Variants in PMPCB observed in about 807,000 individuals in gnomAD.
PMPCB encodes mitochondrial-processing peptidase subunit beta.
A neutral mutation model predicts 61.5 loss-of-function variants in PMPCB; 46 were observed. That is an observed-to-expected ratio of 0.75 (90% CI 0.59 to 0.96). The LOEUF (loss-of-function observed/expected upper bound fraction) is 0.96, where lower values mean the gene tolerates loss of function less well. PMPCB is among the 40% of genes least tolerant of loss of function. PMPCB has a pLI of 0.00. For missense variants in PMPCB, 590 were observed against 602.4 expected (o/e 0.98, Z 0.22); for synonymous variants, 191 against 201.6 (o/e 0.95, Z 0.44).
downstream of PMPCB, among the ~76,000 whole-genome samples, chr7:103,334,328 G>A (rs972154718): frequency 6.6e-6 from 1 of 151,698 alleles, no homozygotes; most frequent in African/African-American, 2.4e-5. Flanking sequence ...TTGGGAGACT[G>A]AGGCAGGTGG....
the PMPCB span, among the ~76,000 whole-genome samples, chr7:103,334,861 T>C: frequency 6.6e-6 from 1 of 152,278 alleles, no homozygotes; most frequent in Non-Finnish European, 1.5e-5. Flanking sequence ...TTTGAGGCAG[T>C]TTCCCTCTGT....
intron 12 of PMPCB, chr7:103,327,779 A>G: frequency 1.3e-6 from 2 of 1,530,564 alleles, no homozygotes; most frequent in African/African-American, 1.4e-5. Context: ...AGATTGAGAT[A>G]ATTTGTCACT....
At chr7:103,304,131 G>A in intron 5 of PMPCB, 91 bp downstream of exon 5, 1 of 1,047,110 alleles carries the variant, frequency 9.6e-7, no homozygotes, top group Non-Finnish European at 1.4e-6. Context: ...GTTTCAGAAA[G>A]TAATTTTCCC....
downstream of PMPCB, among the ~76,000 whole-genome samples, chr7:103,334,462 CTGAGGCAGAAGAA>C (rs1301845476): frequency 6.6e-6 from 1 of 151,688 alleles, no homozygotes. Flanking sequence ...ACTTAGGAGG[CTGAGGCAGAAGAA>C]TGAGGCAGGA....
chr7:103,333,791 C>T (rs923123658), downstream of PMPCB, among the ~76,000 whole-genome samples: 1 of 152,138 alleles, frequency 6.6e-6, no homozygotes, highest in Non-Finnish European at 1.5e-5. Context: ...GTTTGAGATT[C>T]ATCCATGTTT....
At chr7:103,299,650 A>G in intron 3 of PMPCB, 121 bp downstream of exon 3, 2 of 574,810 alleles carry the variant, frequency 3.5e-6, no homozygotes, top group Non-Finnish European at 6.1e-6. Flanking sequence ...TTATTTTTCC[A>G]GGACAGTATC....
At chr7:103,299,734 C>T (rs930412703) in intron 3 of PMPCB, among the ~76,000 whole-genome samples, 9 of 152,200 alleles carry the variant, frequency 5.9e-5, no homozygotes, top group East Asian at 3.9e-4. Flanking sequence ...GTTATCTGAA[C>T]GTATACCATT....
intron 3 of PMPCB, 71 bp downstream of exon 3, chr7:103,299,600 G>A: frequency 2.4e-6 from 2 of 835,088 alleles, no homozygotes. Flanking sequence ...ATTCTTTAGA[G>A]GCAGGGAGAG....
At chr7:103,327,020 T>A (rs1029058532) in intron 12 of PMPCB, among the ~76,000 whole-genome samples, 1 of 152,214 alleles carries the variant, frequency 6.6e-6, no homozygotes, top group African/African-American at 2.4e-5. Flanking sequence ...ATCTTAGGCT[T>A]CTGGAGCACT....
At chr7:103,335,668 C>T in the PMPCB span, 1 of 152,306 alleles carries the variant, frequency 6.6e-6, no homozygotes, top group Non-Finnish European at 1.5e-5. Flanking sequence ...GCCTCAGCCT[C>T]CCAAGTAGTT....
Position 103,312,983 on chromosome 7 carries a change from A to G in PMPCB, c.*712A>G. On this transcript the variant is annotated 3_prime_UTR_variant, in exon 13 of 13. Transcript: ENST00000249269. Reference sequence around the variant, plus strand: ...TCATGCAGTCCTTCTTTGTCCTGCCAGGCACCGCTTCTGCTATTTTTTCCC... The same window carrying G: ...TCATGCAGTCCTTCTTTGTCCTGCCGGGCACCGCTTCTGCTATTTTTTCCC... 6.2e-7 allele frequency: 1 copy of G among 1,614,044 alleles called. No individual in the cohort carries two copies.
downstream of PMPCB, among the ~76,000 whole-genome samples, chr7:103,318,516 C>CT (rs1248423488): frequency 1.3e-5 from 2 of 152,162 alleles, no homozygotes; most frequent in Non-Finnish European, 2.9e-5. Context: ...CCTTCCTATC[C>CT]TACACCTCAT....
At chr7:103,316,809 A>C (rs1818085686), downstream of PMPCB, 1 of 1,604,236 alleles carries the variant, frequency 6.2e-7, no homozygotes. Flanking sequence ...AGTTGAAGAA[A>C]AGTTTCATTA....
intron 6 of PMPCB, among the ~76,000 whole-genome samples, chr7:103,305,284 A>C (rs916742682): frequency 3.9e-5 from 6 of 152,208 alleles, no homozygotes; most frequent in South Asian, 2.1e-4. Flanking sequence ...GTGACTTCAG[A>C]AGGTTTCCTT....
chr7:103,304,516 T>C (rs758763602), intron 6 of PMPCB, 26 bp downstream of exon 6: 43 of 1,457,768 alleles, frequency 2.9e-5, no homozygotes, highest in Non-Finnish European at 4.1e-5. Context: ...TTTCTACAAA[T>C]GTTTTAAACA....
At chr7:103,334,327 T>C (rs191972640), downstream of PMPCB, among the ~76,000 whole-genome samples, 404 of 151,738 alleles carry the variant, frequency 2.7e-3, 6 homozygotes, top group Admixed American at 0.018. Context: ...TTTGGGAGAC[T>C]GAGGCAGGTG....
Position 103,312,688 on chromosome 7 carries a change from A to G in PMPCB, c.*417A>G, listed in dbSNP as rs376428947. On this transcript the variant is annotated 3_prime_UTR_variant, in exon 13 of 13. Transcript: ENST00000249269. ...TGATTTAAGAAGTTGCGATTTAAAA[A>G]CAGACATTTTAATCTAGTGTTTGGT... The G allele has an allele frequency of 2.9e-5, 46 of 1,604,122 alleles. No homozygotes were observed. The East Asian group carries it at 4.5e-4, about 16-fold the overall frequency.
At chr7:103,299,000 G>A (rs1817373658) in intron 2 of PMPCB, among the ~76,000 whole-genome samples, 1 of 152,218 alleles carries the variant, frequency 6.6e-6, no homozygotes, top group African/African-American at 2.4e-5. Flanking sequence ...ACTCTGCCAA[G>A]TGTTTTTACT....
the PMPCB span, among the ~76,000 whole-genome samples, chr7:103,342,740 C>T: frequency 6.6e-6 from 1 of 151,476 alleles, no homozygotes; most frequent in East Asian, 1.9e-4. Flanking sequence ...TCCCGAGTAG[C>T]TGGGACTACA....
Sources: gnomAD v4.1 joint callset for allele counts (sites outside exome capture counted in the v4.1 genomes callset) on GRCh38, gnomAD v4.1.1 for gene constraint, MANE v1.5 for transcripts, NCBI Gene and HGNC (gene_info 2026-07-23, HGNC 2026-07-21) for gene names.